Variants in ATG4B observed in about 807,000 individuals in gnomAD.
The protein encoded by ATG4B is cysteine protease ATG4B.
ATG4B carries 29 observed loss-of-function variants against 56.6 expected under a neutral mutation model. The observed-to-expected ratio is 0.51, with a 90% CI of 0.38 to 0.70. The LOEUF (loss-of-function observed/expected upper bound fraction) is 0.70. Among genes scored for constraint, ATG4B ranks in the 30% least tolerant of loss-of-function variants. ATG4B has a pLI of 0.00. For synonymous variants in ATG4B, 224 were observed against 206.1 expected, an observed-to-expected ratio of 1.09 and a Z score of -0.74; for missense variants, 461 against 515.5, an observed-to-expected ratio of 0.89 and a Z score of 1.02.
intron 1 of ATG4B, among the ~76,000 whole-genome samples, chr2:241,647,345 G>A (rs924993732): frequency 6.8e-6 from 1 of 148,082 alleles, no homozygotes; most frequent in African/African-American, 2.5e-5. Flanking sequence ...GTGGCCAGGC[G>A]CAGTGGCTCA....
intron 3 of ATG4B, among the ~76,000 whole-genome samples, chr2:241,652,995 T>C (rs1307693313): frequency 6.6e-6 from 1 of 152,214 alleles, no homozygotes; most frequent in African/African-American, 2.4e-5. Flanking sequence ...CCCACGTGCC[T>C]GTCACATGCC....
rs1311852913 is a variant in ATG4B, at chr2:241,651,720, C to T, written c.184+385C>T. ...ATGTTTGAGTGTGTGTTCTGGGTCACAGCTGTACAATGTGTTTCTTACTTA... is the reference window on the plus strand; with the variant it reads ...ATGTTTGAGTGTGTGTTCTGGGTCATAGCTGTACAATGTGTTTCTTACTTA... On this transcript the variant is annotated intron_variant, in intron 3 of 12. Transcript: ENST00000404914. The surrounding 1 kb of genome is among the most constrained non-coding windows in gnomAD (Gnocchi z 4.1). 6.6e-6 allele frequency among the ~76,000 whole-genome samples: 1 copy of T among 152,224 alleles called. No individual in the cohort carries two copies. The highest frequency in any genetic ancestry group is 6.5e-5 in the Admixed American group (1 of 15,278).
Position 241,668,333 on chromosome 2 carries a change from A to G in ATG4B, c.811+112A>G, listed in dbSNP as rs1048663521. ...TTGAGGCCACTGGTGGAAAAGCAGC[A>G]TGCCCTGGGGTTCATTTTCAGCCTG... On this transcript the variant is annotated intron_variant, in intron 9 of 12. Transcript: ENST00000404914. This position sits in a 1 kb window ranked among gnomAD's most constrained non-coding sequence, Gnocchi z 4.2. The G allele has an allele frequency of 2.1e-6, 3 of 1,405,196 alleles. No homozygotes were observed. The highest frequency in any genetic ancestry group is 1.4e-5 in the African/African-American group (1 of 70,036). 87.0% of individuals were successfully genotyped at this position (1,405,196 alleles called of 1,614,324 possible).
rs140872479 is a variant in ATG4B at position 241,651,358 on chromosome 2, A to T, written c.184+23A>T. 3 of 1,535,520 alleles carry T rather than the reference A, an allele frequency of 2.0e-6. No homozygotes were observed. The highest frequency in any genetic ancestry group is 2.7e-6 in the Non-Finnish European group (3 of 1,130,184). ...TTGGTAAGTACTCTGTTTTATTACA[A>T]CGCGGGACAAAATATGTTTTTAGGA... On this transcript the variant is annotated intron_variant, in intron 3 of 12. Coordinates refer to ENST00000404914, the MANE Select transcript of ATG4B (RefSeq NM_013325.5). This position sits in a 1 kb window ranked among gnomAD's most constrained non-coding sequence, Gnocchi z 4.1.
In ATG4B at chr2:241,673,629, T is replaced by TGGGGAAGC; in HGVS notation, c.*1366_*1373dup. 1 of 455,802 alleles carries TGGGGAAGC rather than the reference T, an allele frequency of 2.2e-6. No homozygotes were observed. The allele number at this position is 455,802 out of a possible 1,614,324, so 28.2% of individuals were successfully genotyped here. A position where few individuals can be genotyped will look rare whatever the true frequency, so the allele number is the denominator to read the frequency against. On this transcript the variant is annotated 3_prime_UTR_variant, in exon 13 of 13. Transcript: ENST00000404914. The stretch of plus-strand genomic sequence containing the variant: ...CTTTCTCCCTTGGGTGTAGTTGGGG[T>TGGGGAAGC]GGGGAAGCAGGGAAGGCTGGTGCGA...
At chr2:241,663,356 C>T (rs573086834) in intron 7 of ATG4B, among the ~76,000 whole-genome samples, 7 of 152,308 alleles carry the variant, frequency 4.6e-5, no homozygotes, top group Admixed American at 6.5e-5. Flanking sequence ...TTAGTAGATA[C>T]GTGTCAAACC....
At chr2:241,669,608 C>T (rs915653290) in intron 10 of ATG4B, among the ~76,000 whole-genome samples, 20 of 152,176 alleles carry the variant, frequency 1.3e-4, no homozygotes, top group Admixed American at 5.2e-4. Flanking sequence ...CCCAGGTTCA[C>T]GCCATTCTCC....
At position 241,649,909 on chromosome 2, in the gene ATG4B, T is replaced by C. The variant is rs955094272; in HGVS notation, c.11-1101T>C. Among the ~76,000 whole-genome samples the C allele has an allele frequency of 5.3e-5, 8 of 151,708 alleles. No individual in the cohort carries two copies. In the East Asian group the frequency reaches 1.6e-3, roughly 29 times the overall value. On this transcript the variant is annotated intron_variant, in intron 1 of 12. Transcript: ENST00000404914. Reference sequence around the variant, plus strand: ...AGTGATTCTCTTGGCTCAGTCTCCCTAGTAGCTGGGATTACAGGCGCCCGC... The same window carrying C: ...AGTGATTCTCTTGGCTCAGTCTCCCCAGTAGCTGGGATTACAGGCGCCCGC...
intron 1 of ATG4B, among the ~76,000 whole-genome samples, chr2:241,649,333 C>T (rs1319058426): frequency 6.6e-6 from 1 of 152,192 alleles, no homozygotes; most frequent in African/African-American, 2.4e-5. Flanking sequence ...TGCTGGGCAA[C>T]GAGGCTTCAC....
intron 12 of ATG4B, 90 bp downstream of exon 12, chr2:241,671,495 A>G: frequency 6.4e-7 from 1 of 1,563,002 alleles, no homozygotes; most frequent in Middle Eastern, 1.7e-4. Context: ...TTTGACCATT[A>G]AGGTGTGTGT....
Position 241,655,157 on chromosome 2 carries a change from G to A in ATG4B, c.386-114G>A. The A allele has an allele frequency of 3.0e-6, 3 of 1,005,912 alleles. No homozygotes were observed. In the South Asian group the frequency reaches 4.4e-5, roughly 15 times the overall value. 62.3% of individuals were successfully genotyped at this position (1,005,912 alleles called of 1,614,324 possible). On this transcript the variant is annotated intron_variant, in intron 5 of 12. Coordinates refer to ENST00000404914, the MANE Select transcript of ATG4B (RefSeq NM_013325.5). ...TGTTGGGGCATCCTTCCGTCTGGAG[G>A]CTGGGTCGGGTGCTGTCCAGGCCTT...
In ATG4B at chr2:241,655,058, C is replaced by T. The variant is rs951342474; in HGVS notation, c.386-213C>T. The stretch of plus-strand genomic sequence containing the variant: ...ATAGAAGGAAGTGGTCCCTTCATTT[C>T]CCCTCCTTTTCTAAGTTCATAGTGA... On this transcript the variant is annotated intron_variant, in intron 5 of 12. Coordinates refer to ENST00000404914, the MANE Select transcript of ATG4B (RefSeq NM_013325.5). The T allele has an allele frequency of 6.7e-6, 4 of 596,222 alleles. No homozygotes were observed. In the Admixed American group the frequency reaches 1.2e-4, roughly 18 times the overall value. The allele number at this position is 596,222 out of a possible 1,614,324, so 36.9% of individuals were successfully genotyped here. A position where few individuals can be genotyped will look rare whatever the true frequency, so the allele number is the denominator to read the frequency against.
chr2:241,668,767 C>CA lies in ATG4B; in HGVS notation c.957+82_957+83insA. On this transcript the variant is annotated intron_variant, in intron 10 of 12. Transcript: ENST00000404914. The surrounding 1 kb of genome is among the most constrained non-coding windows in gnomAD (Gnocchi z 4.2). Reference sequence around the variant, plus strand: ...GACGAGGAAAACTTTCGGATTTTTGCGTTTTTTTTTTCAGCATGTTGGGAT... The same window carrying CA: ...GACGAGGAAAACTTTCGGATTTTTGCAGTTTTTTTTTTCAGCATGTTGGGAT... 6.9e-7 allele frequency: 1 copy of CA among 1,442,396 alleles called. No homozygotes were observed. The highest frequency in any genetic ancestry group is 9.1e-7 in the Non-Finnish European group (1 of 1,093,464). 89.3% of individuals were successfully genotyped at this position (1,442,396 alleles called of 1,614,324 possible). A position where few individuals can be genotyped will look rare whatever the true frequency, so the allele number is the denominator to read the frequency against.
At chr2:241,663,811 AT>A (rs544195724) in intron 7 of ATG4B, among the ~76,000 whole-genome samples, 3,072 of 140,168 alleles carry the variant, frequency 0.022, 32 homozygotes, top group African/African-American at 0.03. Context: ...CCAGACGTCT[AT>A]TTTTTTTTTT....
intron 7 of ATG4B, among the ~76,000 whole-genome samples, chr2:241,660,045 C>G (rs1352358871): frequency 6.6e-6 from 1 of 152,130 alleles, no homozygotes; most frequent in Non-Finnish European, 1.5e-5. Flanking sequence ...CAGAAACTAG[C>G]TGGGCATGGT....
At chr2:241,670,130 C>A (rs1350279201) in intron 10 of ATG4B, among the ~76,000 whole-genome samples, 1 of 152,186 alleles carries the variant, frequency 6.6e-6, no homozygotes, top group Non-Finnish European at 1.5e-5. Flanking sequence ...TGAGCTTCTC[C>A]CCCCATTTCG....
chr2:241,650,427 A>G (rs2068194760), intron 1 of ATG4B, among the ~76,000 whole-genome samples: 1 of 152,070 alleles, frequency 6.6e-6, no homozygotes, highest in South Asian at 2.1e-4. Flanking sequence ...TCTTCCCAGC[A>G]GCTCAGTGTT....
Position 241,668,708 on chromosome 2 carries a change from C to T in ATG4B, c.957+23C>T, listed in dbSNP as rs577701429. 73 of 1,557,834 alleles carry T rather than the reference C, an allele frequency of 4.7e-5. 1 individual carries two copies. In the South Asian group the frequency reaches 8.2e-4, roughly 17 times the overall value. ...GTGGTACGTGGCGGCCACCTGAGCACACAGGCATTTGGTGCTGAATGCTGT... is the reference window on the plus strand; with the variant it reads ...GTGGTACGTGGCGGCCACCTGAGCATACAGGCATTTGGTGCTGAATGCTGT... On this transcript the variant is annotated intron_variant, in intron 10 of 12. Transcript: ENST00000404914. The surrounding 1 kb of genome is among the most constrained non-coding windows in gnomAD (Gnocchi z 4.2).
intron 1 of ATG4B, among the ~76,000 whole-genome samples, chr2:241,647,881 A>T (rs1224699757): frequency 6.6e-6 from 1 of 151,826 alleles, no homozygotes; most frequent in South Asian, 2.1e-4. Flanking sequence ...TGGGAGGCCG[A>T]GGTGGGTGGA....
Sources: gnomAD v4.1 joint callset for allele counts (sites outside exome capture counted in the v4.1 genomes callset) on GRCh38, gnomAD v4.1.1 for gene constraint, Gnocchi (gnomAD v3.1) non-coding constraint, MANE v1.5 for transcripts, NCBI Gene and HGNC (gene_info 2026-07-23, HGNC 2026-07-21) for gene names.